The following CPT1B variants were observed in gnomAD, a reference collection of about 807,000 sequenced individuals.
CPT1B encodes the protein carnitine palmitoyltransferase 1B, also known as carnitine O-palmitoyltransferase 1, muscle isoform.
In CPT1B, 57 loss-of-function variants were observed where a neutral mutation model predicts 92.7. That is an observed-to-expected ratio of 0.62 (90% CI 0.50 to 0.77). CPT1B has a LOEUF of 0.77. Among genes scored for constraint, CPT1B ranks in the 30% least tolerant of loss-of-function variants. The pLI is 0.00. For synonymous variants in CPT1B, 398 were observed against 383.5 expected, an observed-to-expected ratio of 1.04 and a Z score of -0.44; for missense variants, 983 against 1,017.4, an observed-to-expected ratio of 0.97 and a Z score of 0.46.
intron 17 of CPT1B, 108 bp downstream of exon 17, chr22:50,570,185 C>T (rs961945362): frequency 3.9e-5 from 31 of 799,740 alleles, no homozygotes; most frequent in African/African-American, 8.6e-5. Context: ...GTTATGCTCT[C>T]CTCTAAGCAA....
intron 11 of CPT1B, among the ~76,000 whole-genome samples, 200 bp from the exon 12 acceptor site, chr22:50,572,508 C>A (rs1319103755): frequency 6.6e-6 from 1 of 151,732 alleles, no homozygotes; most frequent in Non-Finnish European, 1.5e-5. Context: ...CCATAACCTC[C>A]CGGGTTCAAG....
At chr22:50,571,130 G>A in intron 15 of CPT1B, 28 bp downstream of exon 15, 1 of 1,613,230 alleles carries the variant, frequency 6.2e-7, no homozygotes, top group Non-Finnish European at 8.5e-7. Flanking sequence ...CGACGACTGT[G>A]ACCCCCACAT....
intron 5 of CPT1B, 47 bp downstream of exon 5, chr22:50,576,489 G>A: frequency 6.3e-7 from 1 of 1,593,752 alleles, no homozygotes; most frequent in Non-Finnish European, 8.6e-7. Flanking sequence ...AACATCTCCT[G>A]AATCCAACCT....
rs1380740588 is a variant in CPT1B at position 50,572,389 on chromosome 22, T to C, written c.1353-81A>G. 3 of 819,324 alleles carry C rather than the reference T, an allele frequency of 3.7e-6. No individual in the cohort carries two copies. The East Asian group carries it at 7.4e-5, about 20-fold the overall frequency. 50.8% of individuals were successfully genotyped at this position (819,324 alleles called of 1,614,324 possible). ...GACCTGCAACCCCAACCTTTAACCCTAATTACTAACCCTATTCTCTCTCTC... is the reference window on the plus strand; with the variant it reads ...GACCTGCAACCCCAACCTTTAACCCCAATTACTAACCCTATTCTCTCTCTC... On this transcript the variant is annotated intron_variant, in intron 11 of 19. Transcript: ENST00000312108.
At chr22:50,574,840 T>C in intron 7 of CPT1B, 1 of 484,952 alleles carries the variant, frequency 2.1e-6, no homozygotes, top group South Asian at 2.3e-5. Context: ...TCTTGCTCTG[T>C]CGCCCAGGCT....
At chr22:50,577,680 GT>G in intron 2 of CPT1B, 94 bp downstream of exon 2, 1 of 1,536,910 alleles carries the variant, frequency 6.5e-7, no homozygotes, top group Non-Finnish European at 8.9e-7. Flanking sequence ...CCGGGCAGAA[GT>G]GCCAGCCAAG....
intron 13 of CPT1B, 56 bp downstream of exon 13, chr22:50,571,950 C>G (rs2070196001): frequency 4.6e-6 from 7 of 1,516,010 alleles, no homozygotes; most frequent in Non-Finnish European, 6.4e-6. Flanking sequence ...CTCGTCGGGG[C>G]TGTACCCACC....
chr22:50,576,767 T>A (rs2070458013), intron 4 of CPT1B, 90 bp downstream of exon 4: 1 of 1,560,456 alleles, frequency 6.4e-7, no homozygotes, highest in Non-Finnish European at 8.8e-7. Context: ...ACCAGTGCCC[T>A]GTCTGCCTCT....
At chr22:50,571,734 G>C in intron 13 of CPT1B, 195 bp from the exon 14 acceptor site, 1 of 667,918 alleles carries the variant, frequency 1.5e-6, no homozygotes, top group South Asian at 1.9e-5. Flanking sequence ...GTGGGTAAGA[G>C]GGAAGTGCTG....
At chr22:50,577,675 C>A in intron 2 of CPT1B, 100 bp downstream of exon 2, 1 of 1,524,670 alleles carries the variant, frequency 6.6e-7, no homozygotes. Context: ...CTGTACCGGG[C>A]AGAAGTGCCA....
In CPT1B at chr22:50,573,917, C is replaced by T; in HGVS notation, c.971-202G>A. On this transcript the variant is annotated intron_variant, in intron 9 of 19. Coordinates refer to ENST00000312108, the MANE Select transcript of CPT1B (RefSeq NM_152246.3). This position sits in a 1 kb window ranked among gnomAD's most constrained non-coding sequence, Gnocchi z 5.0. ...TCCACTCTCTCTCACGCAACACCAA[C>T]AATCCTATAAAGTATTTCACAGAAG... The T allele has an allele frequency of 1.4e-6, 1 of 714,542 alleles. No homozygotes were observed. The highest frequency in any genetic ancestry group is 2.6e-6 in the Non-Finnish European group (1 of 384,162). The allele number at this position is 714,542 out of a possible 1,614,324, so 44.3% of individuals were successfully genotyped here.
In CPT1B at chr22:50,571,919, AG is replaced by A. The variant is rs949688604; in HGVS notation, c.1575+86del. 6 of 1,221,718 alleles carry A rather than the reference AG, an allele frequency of 4.9e-6. No homozygotes were observed. The Admixed American group carries it at 6.9e-5, about 14-fold the overall frequency. The allele number at this position is 1,221,718 out of a possible 1,614,324, so 75.7% of individuals were successfully genotyped here. A position where few individuals can be genotyped will look rare whatever the true frequency, so the allele number is the denominator to read the frequency against. ...GGCTGGGCCAGGCAGTGAGGCCAGC[AG>A]GGGAGGAGGAGGCTCAGGCCTCGTC... is the stretch of plus-strand genomic sequence containing the variant. On this transcript the variant is annotated intron_variant, in intron 13 of 19. Transcript: ENST00000312108.
Position 50,573,859 on chromosome 22 carries a change from G to A in CPT1B, c.971-144C>T, listed in dbSNP as rs753678811. On this transcript the variant is annotated intron_variant, in intron 9 of 19. Coordinates refer to ENST00000312108, the MANE Select transcript of CPT1B (RefSeq NM_152246.3). The surrounding 1 kb of genome is among the most constrained non-coding windows in gnomAD (Gnocchi z 5.0). ...CCTTCCTGCCCCCTGGATGGGATCC[G>A]TGTGTCCTAAACCAGGCCCTGTGCT... 62 of 762,626 alleles carry A rather than the reference G, an allele frequency of 8.1e-5. No individual in the cohort carries two copies. Among genetic ancestry groups the A allele is most frequent in the Middle Eastern group, 4.5e-4 (2 of 4,484 alleles). 47.2% of individuals were successfully genotyped at this position (762,626 alleles called of 1,614,324 possible). A position where few individuals can be genotyped will look rare whatever the true frequency, so the allele number is the denominator to read the frequency against.
Position 50,577,990 on chromosome 22 carries a change from C to T in CPT1B, c.-19-56G>A, listed in dbSNP as rs2070544796. 4 of 1,337,294 alleles carry T rather than the reference C, an allele frequency of 3.0e-6. No homozygotes were observed. In the Admixed American group the frequency reaches 7.5e-5, roughly 25 times the overall value. The allele number at this position is 1,337,294 out of a possible 1,614,324, so 82.8% of individuals were successfully genotyped here. On this transcript the variant is annotated intron_variant, in intron 1 of 19. Coordinates refer to ENST00000312108, the MANE Select transcript of CPT1B (RefSeq NM_152246.3). ...CGCTTAGGCCGGCCCCGCCGCCAGC[C>T]GCGCCGAGACGCCCCCAGCCAGTCC...
chr22:50,574,035 G>A (rs775269727), intron 9 of CPT1B: 206 of 687,260 alleles, frequency 3.0e-4, no homozygotes, highest in Non-Finnish European at 4.6e-4. Context: ...CCCTGGGTGC[G>A]CCCCTCCCCT....
Position 50,573,534 on chromosome 22 carries a change from G to C in CPT1B, c.1152C>G (p.Leu384=), listed in dbSNP as rs1233195869. The change falls in exon 10 of 20, where the codon CTC becomes CTG. Residue 384 remains leucine (L), a synonymous_variant. Coordinates refer to ENST00000312108, the MANE Select transcript of CPT1B (RefSeq NM_152246.3). This position sits in a 1 kb window ranked among gnomAD's most constrained non-coding sequence, Gnocchi z 5.0. The part of the protein sequence containing the change: ...PQPGEEKLAA[L]TAGGRVEWAQ... The stretch of plus-strand genomic sequence containing the variant: ...GAGGCCAATACCTTCCTCCTGCAGT[G>C]AGGGCTGCCAGCTTCTCCTCCCCAG... 6.2e-7 allele frequency: 1 copy of C among 1,611,214 alleles called. No homozygotes were observed. Among genetic ancestry groups the C allele is most frequent in the Non-Finnish European group, 8.5e-7 (1 of 1,178,630 alleles).
At position 50,573,016 on chromosome 22, in the gene CPT1B, T is replaced by C. The variant is rs776207880; in HGVS notation, c.1211A>G (p.Lys404Arg). The C allele has an allele frequency of 6.8e-6, 11 of 1,610,590 alleles. No homozygotes were observed. Among genetic ancestry groups the C allele is most frequent in the Non-Finnish European group, 9.3e-6 (11 of 1,177,438 alleles). The change falls in exon 11 of 20, where the codon AAG becomes AGG. Residue 404 changes from lysine to arginine, a missense_variant. Physicochemically the swap from Lys to Arg is conservative, Grantham distance 26. Transcript: ENST00000312108. The surrounding 1 kb of genome is among the most constrained non-coding windows in gnomAD (Gnocchi z 5.0). ...GATGGCCTCCAAGGCAGCCTTATTC[T>C]TTCCAGAGCTAAAGAAGGCCTGGCG... ...QARQAFFSSG[K>R]NKAALEAIER... is the part of the protein sequence containing the mutation.
At position 50,577,407 on chromosome 22, in the gene CPT1B, G is replaced by A; in HGVS notation, c.198C>T (p.Ile66=). The change falls in exon 3 of 20, where the codon ATC becomes ATT. Residue 66 remains isoleucine, a synonymous_variant. Transcript: ENST00000312108. ...AGAAGGAGGAACCCACTGTTGCCAT[G>A]ATGACGACCAGCCAGCTGGTGGGGC... is the stretch of plus-strand genomic sequence containing the variant. The part of the protein sequence containing the change: ...PGSPTSWLVV[I]MATVGSSFCN... 1 of 1,613,934 alleles carries A rather than the reference G, an allele frequency of 6.2e-7. No individual in the cohort carries two copies. Among genetic ancestry groups the A allele is most frequent in the Non-Finnish European group, 8.5e-7 (1 of 1,180,004 alleles).
In CPT1B at chr22:50,569,419, G is replaced by A. The variant is rs17848472; in HGVS notation, c.2238C>T (p.Asn746=). The A allele has an allele frequency of 4.6e-4, 747 of 1,614,038 alleles. 9 individuals are homozygous for A. The East Asian group carries it at 0.015, about 31-fold the overall frequency. ...ISSKFSSSET[N]AQRFGNHIRK... ...GGATGTGGTTTCCAAAGCGCTGGGC[G>A]TTCTGTGGGAGCCAAGAGTTCAGAT... Residue 746 remains asparagine, a splice_region_variant and synonymous_variant, in exon 19 of 20, where the codon AAC becomes AAT. Coordinates refer to ENST00000312108, the MANE Select transcript of CPT1B (RefSeq NM_152246.3).
Sources: gnomAD v4.1 joint callset for allele counts (sites outside exome capture counted in the v4.1 genomes callset) on GRCh38, gnomAD v4.1.1 for gene constraint, Gnocchi (gnomAD v3.1) non-coding constraint, MANE v1.5 for transcripts, NCBI Gene and HGNC (gene_info 2026-07-23, HGNC 2026-07-21) for gene names.